Variants in TLL1 observed in about 807,000 individuals in gnomAD.
TLL1 encodes the protein tolloid-like protein 1.
A neutral mutation model predicts 128.2 loss-of-function variants in TLL1; 49 were observed. The ratio of observed to expected loss-of-function variants is 0.38; its 90% CI spans 0.30 to 0.48. TLL1 has a LOEUF of 0.48. Among genes scored for constraint, TLL1 ranks in the 20% least tolerant of loss-of-function variants. The pLI is 0.96. For synonymous variants in TLL1, 454 were observed against 418.8 expected, an observed-to-expected ratio of 1.08 and a Z score of -1.03; for missense variants, 1,123 against 1,242.0, an observed-to-expected ratio of 0.90 and a Z score of 1.44.
At chr4:166,053,357 A>G (rs912141124) in intron 12 of TLL1, 2 of 152,036 alleles carry the variant, frequency 1.3e-5, no homozygotes, top group South Asian at 2.1e-4. Context: ...ATGACTTTCT[A>G]ATATTTTATG....
intron 16 of TLL1, among the ~76,000 whole-genome samples, chr4:166,073,686 A>G (rs1354955546): frequency 6.6e-6 from 1 of 152,180 alleles, no homozygotes. Flanking sequence ...CACATGTGTC[A>G]TGTAATCCAT....
At chr4:165,914,863 T>C (rs1475887086) in intron 1 of TLL1, among the ~76,000 whole-genome samples, 1 of 152,230 alleles carries the variant, frequency 6.6e-6, no homozygotes, top group Admixed American at 6.5e-5. Context: ...TTTGTCTTTA[T>C]ACGAAAATGT....
chr4:166,034,825 C>T (rs1167860685), intron 9 of TLL1, among the ~76,000 whole-genome samples: 1 of 152,114 alleles, frequency 6.6e-6, no homozygotes, highest in Non-Finnish European at 1.5e-5. Context: ...AAATTTATTT[C>T]TCACTCTCAG....
At chr4:165,945,981 G>A (rs1734229374) in intron 1 of TLL1, among the ~76,000 whole-genome samples, 1 of 152,166 alleles carries the variant, frequency 6.6e-6, no homozygotes, top group Admixed American at 6.6e-5. Flanking sequence ...AAACAGAAGA[G>A]TCAGTTGGAA....
At chr4:166,000,568 G>C (rs917379422) in intron 5 of TLL1, among the ~76,000 whole-genome samples, 2 of 152,076 alleles carry the variant, frequency 1.3e-5, no homozygotes, top group African/African-American at 4.8e-5. Context: ...ATTTTGACTT[G>C]CAAATAACTA....
chr4:165,919,222 A>T (rs1479309340), intron 1 of TLL1, among the ~76,000 whole-genome samples: 1 of 151,730 alleles, frequency 6.6e-6, no homozygotes, highest in Non-Finnish European at 1.5e-5. Context: ...CCTCTACAAA[A>T]ATAATAAAAA....
chr4:166,061,502 C>A (rs1740311998), intron 15 of TLL1, among the ~76,000 whole-genome samples: 1 of 152,094 alleles, frequency 6.6e-6, no homozygotes, highest in Admixed American at 6.6e-5. Context: ...GCCTCAGCCT[C>A]CAGAAGTGCT....
chr4:166,089,858 A>C (rs987747901), intron 18 of TLL1, among the ~76,000 whole-genome samples: 2 of 152,182 alleles, frequency 1.3e-5, no homozygotes, highest in East Asian at 3.9e-4. Context: ...TCTTCCGTTA[A>C]GTAACTCCAT....
intron 6 of TLL1, among the ~76,000 whole-genome samples, chr4:166,005,030 A>G (rs1341881427): frequency 6.6e-6 from 1 of 152,024 alleles, no homozygotes; most frequent in Non-Finnish European, 1.5e-5. Context: ...TTAGGGTAGT[A>G]CACATCAAGA....
intron 5 of TLL1, among the ~76,000 whole-genome samples, chr4:166,000,436 G>A (rs1276427651): frequency 6.6e-6 from 1 of 152,118 alleles, no homozygotes; most frequent in African/African-American, 2.4e-5. Context: ...AAGGCAGTGT[G>A]AAATCTATTT....
intron 9 of TLL1, among the ~76,000 whole-genome samples, chr4:166,026,300 A>G (rs1204296774): frequency 6.6e-6 from 1 of 152,132 alleles, no homozygotes; most frequent in African/African-American, 2.4e-5. Flanking sequence ...GAGGCAGGAG[A>G]ATCACTTGAA....
chr4:165,947,859 G>C (rs984476169), intron 1 of TLL1, among the ~76,000 whole-genome samples: 1 of 152,110 alleles, frequency 6.6e-6, no homozygotes, highest in Non-Finnish European at 1.5e-5. Context: ...CAAGATTGTT[G>C]AGAATTGTAT....
chr4:165,919,212 C>T (rs774529677), intron 1 of TLL1, among the ~76,000 whole-genome samples: 1 of 151,230 alleles, frequency 6.6e-6, no homozygotes, highest in Non-Finnish European at 1.5e-5. Context: ...GGAGACCCCA[C>T]CTCTACAAAA....
intron 18 of TLL1, among the ~76,000 whole-genome samples, chr4:166,081,547 TCTC>T (rs1342496497): frequency 2.0e-5 from 3 of 152,170 alleles, no homozygotes; most frequent in African/African-American, 2.4e-5. Context: ...TCTATCCTCT[TCTC>T]CTCATCCACA....
At position 166,075,035 on chromosome 4, in the gene TLL1, A is replaced by G. The variant is rs957928288; in HGVS notation, c.2314+32A>G. On this transcript the variant is annotated intron_variant, in intron 17 of 20. Coordinates refer to ENST00000061240, the MANE Select transcript of TLL1 (RefSeq NM_012464.5). ...AACGGAATACACTTTTTTTGACAAC[A>G]TGTAGAATTTCATGTGGTTTGGGTA... The G allele has an allele frequency of 6.8e-6, 11 of 1,610,902 alleles. No individual in the cohort carries two copies. The African/African-American group carries it at 1.1e-4, about 16-fold the overall frequency.
intron 19 of TLL1, 41 bp downstream of exon 19, chr4:166,091,382 T>C: frequency 6.4e-7 from 1 of 1,561,298 alleles, no homozygotes; most frequent in Non-Finnish European, 8.8e-7. Context: ...TTGACTGAGA[T>C]CCAGGTTTTT....
intron 1 of TLL1, among the ~76,000 whole-genome samples, chr4:165,977,097 TGTTAGAA>T (rs1353813188): frequency 6.6e-6 from 1 of 152,104 alleles, no homozygotes; most frequent in African/African-American, 2.4e-5. Flanking sequence ...AAGACATAAA[TGTTAGAA>T]GTTAGATTTT....
chr4:165,926,953 T>A (rs950987003), intron 1 of TLL1, among the ~76,000 whole-genome samples: 13 of 152,336 alleles, frequency 8.5e-5, no homozygotes, highest in African/African-American at 3.1e-4. Context: ...ACAGTCTCAG[T>A]TTCTTTTTCA....
rs906573533 is a variant in TLL1 at position 166,103,054 on chromosome 4, T to G, written c.*2178T>G. 6.6e-6 allele frequency: 1 copy of G among 151,916 alleles called. No homozygotes were observed. Among genetic ancestry groups the G allele is most frequent in the Non-Finnish European group, 1.5e-5 (1 of 67,880 alleles). The allele number at this position is 151,916 out of a possible 1,614,324, so 9.4% of individuals were successfully genotyped here. A position where few individuals can be genotyped will look rare whatever the true frequency, so the allele number is the denominator to read the frequency against. Reference sequence around the variant, plus strand: ...CTACACTTTGAGGACTGTCATCATGTTCTCGTTTTGTAGTTCAGAAAGTGA... The same window carrying G: ...CTACACTTTGAGGACTGTCATCATGGTCTCGTTTTGTAGTTCAGAAAGTGA... On this transcript the variant is annotated 3_prime_UTR_variant, in exon 21 of 21. Transcript: ENST00000061240.
Sources: gnomAD v4.1 joint callset for allele counts (sites outside exome capture counted in the v4.1 genomes callset) on GRCh38, gnomAD v4.1.1 for gene constraint, MANE v1.5 for transcripts, NCBI Gene and HGNC (gene_info 2026-07-23, HGNC 2026-07-21) for gene names.